The following PTGIS variants were observed in gnomAD, a reference collection of about 807,000 sequenced individuals.
The protein encoded by PTGIS is prostacyclin synthase.
In PTGIS, 45 loss-of-function variants were observed where a neutral mutation model predicts 50.3. The observed-to-expected ratio is 0.90, with a 90% CI of 0.70 to 1.15. PTGIS has a LOEUF of 1.15. Ranked by LOEUF, PTGIS falls within the 50% of genes most tolerant of loss-of-function variation. The pLI is 0.00. For synonymous variants in PTGIS, 260 were observed against 267.7 expected, an observed-to-expected ratio of 0.97 and a Z score of 0.28; for missense variants, 668 against 661.3, an observed-to-expected ratio of 1.01 and a Z score of -0.11.
intron 5 of PTGIS, among the ~76,000 whole-genome samples, chr20:49,526,512 A>G (rs1981796913): frequency 6.6e-6 from 1 of 152,250 alleles, no homozygotes; most frequent in Admixed American, 6.5e-5. Flanking sequence ...TAATTAAGCA[A>G]AAAAGGTAAT....
chr20:49,568,117 C>CGCGGGGCTGGCGAGGCTG lies in PTGIS; in HGVS notation c.-2_-1insCAGCCTCGCCAGCCCCGC. On this transcript the variant is annotated 5_prime_UTR_variant, in exon 1 of 10. Transcript: ENST00000244043. Reference sequence around the variant, plus strand: ...GGCCGAGGAGCGCGGCCCAAGCCATCGCGGGGCTGGCGGGGCTGGCGGGGC... The same window carrying CGCGGGGCTGGCGAGGCTG: ...GGCCGAGGAGCGCGGCCCAAGCCATCGCGGGGCTGGCGAGGCTGGCGGGGCTGGCGGGGCTGGCGGGGC... The CGCGGGGCTGGCGAGGCTG allele has an allele frequency of 1.3e-6, 1 of 784,878 alleles. No individual in the cohort carries two copies. Among genetic ancestry groups the CGCGGGGCTGGCGAGGCTG allele is most frequent in the Non-Finnish European group, 1.8e-6 (1 of 568,994 alleles). 48.6% of individuals were successfully genotyped at this position (784,878 alleles called of 1,614,324 possible).
intron 8 of PTGIS, 63 bp from the exon 9 acceptor site, chr20:49,511,242 T>C: frequency 6.3e-7 from 1 of 1,580,612 alleles, no homozygotes; most frequent in Non-Finnish European, 8.7e-7. Flanking sequence ...CCAAGAAAAA[T>C]GTATGAGGAT....
At chr20:49,564,256 AATT>A (rs1444205046) in intron 1 of PTGIS, among the ~76,000 whole-genome samples, 1 of 151,994 alleles carries the variant, frequency 6.6e-6, no homozygotes, top group Non-Finnish European at 1.5e-5. Flanking sequence ...CATGACATCT[AATT>A]TTTTTTTTTT....
chr20:49,550,524 T>C (rs776762093), intron 1 of PTGIS, among the ~76,000 whole-genome samples: 1 of 152,208 alleles, frequency 6.6e-6, no homozygotes, highest in African/African-American at 2.4e-5. Context: ...TCTAAATTGA[T>C]TGAGACCTAG....
rs752096072 is a variant in PTGIS, at chr20:49,507,872, G to T, written c.*48C>A. ...GAAAGCTGGGAGGCTGGGGCAGGCT[G>T]GGGCAGGCTGGGCAGAGGCGAGCAC... On this transcript the variant is annotated 3_prime_UTR_variant, in exon 10 of 10. Coordinates refer to ENST00000244043, the MANE Select transcript of PTGIS (RefSeq NM_000961.4). 1.2e-6 allele frequency: 2 copies of T among 1,603,550 alleles called. No individual in the cohort carries two copies. Among genetic ancestry groups the T allele is most frequent in the East Asian group, 4.5e-5 (2 of 44,870 alleles).
chr20:49,524,897 G>T (rs1169983229), intron 5 of PTGIS, among the ~76,000 whole-genome samples: 1 of 152,220 alleles, frequency 6.6e-6, no homozygotes, highest in Non-Finnish European at 1.5e-5. Flanking sequence ...AGTTCAAGAT[G>T]AGATTTGGGT....
intron 5 of PTGIS, among the ~76,000 whole-genome samples, chr20:49,535,299 A>T (rs1269343084): frequency 6.6e-6 from 1 of 152,242 alleles, no homozygotes; most frequent in Admixed American, 6.5e-5. Context: ...GCAGAAGCAG[A>T]TAAAAATTTT....
At chr20:49,539,519 C>G in intron 5 of PTGIS, 51 bp downstream of exon 5, 6 of 1,591,986 alleles carry the variant, frequency 3.8e-6, no homozygotes, top group South Asian at 1.1e-5. Context: ...GGCTCCCCCT[C>G]TGGGTCTTTC....
intron 1 of PTGIS, among the ~76,000 whole-genome samples, chr20:49,551,809 TGTGTG>T (rs1403606505): frequency 1.4e-5 from 1 of 72,544 alleles, no homozygotes; most frequent in African/African-American, 1.6e-4. Flanking sequence ...TATGTGTTTG[TGTGTG>T]TGTGTGTGTG....
chr20:49,559,774 T>A (rs1982718018), intron 1 of PTGIS, among the ~76,000 whole-genome samples: 1 of 152,066 alleles, frequency 6.6e-6, no homozygotes, highest in Non-Finnish European at 1.5e-5. Flanking sequence ...GAAAGTACAT[T>A]AGTGGTTGCC....
chr20:49,556,846 G>T (rs1982631969), intron 1 of PTGIS, among the ~76,000 whole-genome samples: 1 of 151,872 alleles, frequency 6.6e-6, no homozygotes, highest in Admixed American at 6.6e-5. Context: ...GTCTCCAAAA[G>T]AATGTTTTCA....
At chr20:49,511,245 A>T in intron 8 of PTGIS, 66 bp from the exon 9 acceptor site, 1 of 1,579,190 alleles carries the variant, frequency 6.3e-7, no homozygotes, top group Non-Finnish European at 8.7e-7. Context: ...AGAAAAATGT[A>T]TGAGGATGTT....
intron 1 of PTGIS, among the ~76,000 whole-genome samples, chr20:49,565,282 A>T (rs1471662629): frequency 1.3e-5 from 2 of 151,926 alleles, no homozygotes; most frequent in Admixed American, 6.6e-5. Context: ...ATTTCTTAGT[A>T]TCTAAAAGTC....
chr20:49,560,439 A>T (rs965790031), intron 1 of PTGIS, among the ~76,000 whole-genome samples: 1 of 147,432 alleles, frequency 6.8e-6, no homozygotes, highest in African/African-American at 2.5e-5. Context: ...TCTTGGGCTC[A>T]AGCACTCCCT....
chr20:49,553,700 G>A (rs1242371269), intron 1 of PTGIS, among the ~76,000 whole-genome samples: 5 of 151,656 alleles, frequency 3.3e-5, no homozygotes, highest in East Asian at 1.9e-4. Flanking sequence ...ATTAAACAAC[G>A]TAAAAAGAAT....
In PTGIS at chr20:49,514,290, C is replaced by T. The variant is rs1169589986; in HGVS notation, c.961G>A (p.Glu321Lys). 3 of 1,614,128 alleles carry T rather than the reference C, an allele frequency of 1.9e-6. No homozygotes were observed. The South Asian group carries it at 3.3e-5, about 18-fold the overall frequency. Residue 321 changes from glutamate (E) to lysine (K), a missense_variant, in exon 7 of 10, where the codon GAG becomes AAG. Glu to Lys is a moderately conservative substitution (Grantham distance 56). Transcript: ENST00000244043. ...GELESILWQA[E>K]QPVSQTTTLP... Reference sequence around the variant, plus strand: ...GTGGTCGTCTGCGAGACAGGCTGCTCCGCTTGCCAAAGGATACTCTCGAGC... The same window carrying T: ...GTGGTCGTCTGCGAGACAGGCTGCTTCGCTTGCCAAAGGATACTCTCGAGC...
rs576914689 is a variant in PTGIS, at chr20:49,536,774, C to T, written c.673+2796G>A. On this transcript the variant is annotated intron_variant, in intron 5 of 9. Coordinates refer to ENST00000244043, the MANE Select transcript of PTGIS (RefSeq NM_000961.4). ...CTGGGATTACAGGCATGAGCCTCCG[C>T]GCCCGGCCACAGTGCTTTTTCTTGT... Among the ~76,000 whole-genome samples the T allele has an allele frequency of 9.9e-5, 15 of 152,250 alleles. No individual in the cohort carries two copies. In the South Asian group the frequency reaches 1.5e-3, roughly 15 times the overall value.
At chr20:49,546,369 C>A (rs1982359899) in intron 3 of PTGIS, among the ~76,000 whole-genome samples, 1 of 152,230 alleles carries the variant, frequency 6.6e-6, no homozygotes, top group African/African-American at 2.4e-5. Context: ...GACACTCAGG[C>A]TCCAAGCAGC....
intron 4 of PTGIS, among the ~76,000 whole-genome samples, chr20:49,542,104 G>T (rs536407507): frequency 6.6e-6 from 1 of 152,246 alleles, no homozygotes; most frequent in African/African-American, 2.4e-5. Context: ...CACAAAGAGA[G>T]AGCGTGCCTG....
Sources: allele counts gnomAD v4.1 joint callset (sites outside exome capture counted in the v4.1 genomes callset), GRCh38; gene constraint gnomAD v4.1.1; transcripts MANE v1.5; gene names NCBI Gene and HGNC (gene_info 2026-07-23, HGNC 2026-07-21).